The following KCNT1 variants were observed in gnomAD, a reference collection of about 807,000 sequenced individuals.
KCNT1 encodes potassium sodium-activated channel subfamily T member 1.
In KCNT1, 78 loss-of-function variants were observed where a neutral mutation model predicts 147.8. The observed-to-expected ratio is 0.53, with a 90% CI of 0.44 to 0.64. The LOEUF (loss-of-function observed/expected upper bound fraction) is 0.64. Among genes scored for constraint, KCNT1 ranks in the 30% least tolerant of loss-of-function variants. The pLI, the probability that KCNT1 is intolerant of heterozygous loss-of-function variation, is 0.00. For synonymous variants in KCNT1, 867 were observed against 748.8 expected (o/e 1.16, Z -2.58); for missense variants, 1,419 against 1,750.3 (o/e 0.81, Z 3.38).
chr9:135,759,762 C>T lies in KCNT1; in HGVS notation c.938C>T (p.Ser313Phe). The T allele has an allele frequency of 6.2e-7, 1 of 1,613,646 alleles. No homozygotes were observed. The highest frequency in any genetic ancestry group is 8.5e-7 in the Non-Finnish European group (1 of 1,179,880). Residue 313 changes from serine to phenylalanine, a missense_variant, in exon 11 of 31, where the codon TCC becomes TTC. Ser to Phe is a radical substitution (Grantham distance 155). Coordinates refer to ENST00000371757, the MANE Select transcript of KCNT1 (RefSeq NM_020822.3). ...TSFYFCIVTF[S>F]TVGYGDVTPK... ...TTCTACTTCTGCATCGTCACCTTCT[C>T]CACCGTGGGCTACGGTGACGTCACG...
intron 27 of KCNT1, 128 bp from the exon 28 acceptor site, chr9:135,785,181 TG>T: frequency 7.2e-7 from 1 of 1,397,478 alleles, no homozygotes; most frequent in Non-Finnish European, 9.9e-7. Context: ...GCCCCTGTGC[TG>T]CAGTCCACAC....
chr9:135,723,489 G>A (rs1166151087), intron 2 of KCNT1, among the ~76,000 whole-genome samples: 1 of 152,248 alleles, frequency 6.6e-6, no homozygotes, highest in African/African-American at 2.4e-5. Flanking sequence ...CTCCCTGGCA[G>A]GAAGTTCTTG....
At chr9:135,708,277 C>T (rs1257556744) in intron 1 of KCNT1, among the ~76,000 whole-genome samples, 2 of 152,242 alleles carry the variant, frequency 1.3e-5, no homozygotes, top group East Asian at 3.9e-4. Context: ...TACATGTATG[C>T]ATACATGCAC....
rs984579957 is a variant in KCNT1, at chr9:135,794,200, G to C, written c.*2039G>C. 6.6e-6 allele frequency: 1 copy of C among 152,320 alleles called. No homozygotes were observed. The highest frequency in any genetic ancestry group is 1.5e-5 in the Non-Finnish European group (1 of 68,132). The allele number at this position is 152,320 out of a possible 1,614,324, so 9.4% of individuals were successfully genotyped here. On this transcript the variant is annotated 3_prime_UTR_variant, in exon 31 of 31. Transcript: ENST00000371757. Reference sequence around the variant, plus strand: ...CTGCAGGAGGCACCATGGGGGAGTCGCATGACTTATTCGGGATTGACTTGC... The same window carrying C: ...CTGCAGGAGGCACCATGGGGGAGTCCCATGACTTATTCGGGATTGACTTGC...
In KCNT1 at chr9:135,732,024, A is replaced by AGAGGGAGAGAGAGAGAGG. The variant is rs1208253390; in HGVS notation, c.254+17307_254+17308insGGAGAGAGAGAGAGGGAG. On this transcript the variant is annotated intron_variant, in intron 2 of 30. Coordinates refer to ENST00000371757, the MANE Select transcript of KCNT1 (RefSeq NM_020822.3). Reference sequence around the variant, plus strand: ...GAGAGAGAGAGAGAGAGAGAGAGAGAGAGAGAGAGAGAGAGAGGGAGTCTC... The same window carrying AGAGGGAGAGAGAGAGAGG: ...GAGAGAGAGAGAGAGAGAGAGAGAGAGAGGGAGAGAGAGAGAGGGAGAGAGAGAGAGAGAGGGAGTCTC... Among the ~76,000 whole-genome samples the AGAGGGAGAGAGAGAGAGG allele has an allele frequency of 3.1e-5, 2 of 65,084 alleles. 1 individual carries two copies. The highest frequency in any genetic ancestry group is 6.4e-5 in the Non-Finnish European group (2 of 31,474). The allele number at this position is 65,084 out of a possible 152,430, so 42.7% of individuals were successfully genotyped here.
rs370085077 is a variant in KCNT1 at position 135,786,359 on chromosome 9, C to T, written c.3340C>T (p.Arg1114Trp). 5.0e-4 allele frequency: 797 copies of T among 1,582,344 alleles called. No homozygotes were observed. Among genetic ancestry groups the T allele is most frequent in the Admixed American group, 8.8e-4 (48 of 54,746 alleles). The change falls in exon 29 of 31, where the codon CGG becomes TGG. Residue 1114 changes from arginine (R) to tryptophan (W), a missense_variant. This residue lies in a region of KCNT1 where 306 missense variants were observed against 294.2 expected (regional missense o/e 1.04). Coordinates refer to ENST00000371757, the MANE Select transcript of KCNT1 (RefSeq NM_020822.3). ...ACGGCGCAAGAGCCTGCAGTGGGCCCGGAGGCTGAGCCGCAAGGCGCCCAA... is the reference window on the plus strand; with the variant it reads ...ACGGCGCAAGAGCCTGCAGTGGGCCTGGAGGCTGAGCCGCAAGGCGCCCAA... ...LLRRKSLQWA[R>W]RLSRKAPKQA...
chr9:135,768,823 C>T lies in KCNT1; in HGVS notation c.1402-6C>T, dbSNP rs755796820. 70 of 1,608,448 alleles carry T rather than the reference C, an allele frequency of 4.4e-5. No homozygotes were observed. The highest frequency in any genetic ancestry group is 9.3e-5 in the African/African-American group (7 of 74,878). ...GTCTGCACTGACCAACCACCCACCC[C>T]GCCAGGACCACCAGACCATCCTGCG... On this transcript the variant is annotated splice_polypyrimidine_tract_variant and splice_region_variant and intron_variant, in intron 14 of 30. Coordinates refer to ENST00000371757, the MANE Select transcript of KCNT1 (RefSeq NM_020822.3).
intron 13 of KCNT1, 70 bp from the exon 14 acceptor site, chr9:135,768,540 A>T: frequency 7.8e-7 from 1 of 1,280,022 alleles, no homozygotes; most frequent in Non-Finnish European, 1.1e-6. Flanking sequence ...TCCCCACCTC[A>T]CCTCCGCACC....
At chr9:135,718,931 A>G (rs1009792846) in intron 2 of KCNT1, among the ~76,000 whole-genome samples, 4 of 152,232 alleles carry the variant, frequency 2.6e-5, no homozygotes, top group African/African-American at 4.8e-5. Flanking sequence ...GACCCAGCCC[A>G]TCGGTACCGC....
intron 2 of KCNT1, among the ~76,000 whole-genome samples, chr9:135,727,492 T>A (rs1836267333): frequency 6.6e-6 from 1 of 150,578 alleles, no homozygotes; most frequent in South Asian, 2.1e-4. Flanking sequence ...GTTTCCCCAC[T>A]CTCTGCAGGG....
intron 28 of KCNT1, 44 bp downstream of exon 28, chr9:135,785,374 G>C: frequency 6.2e-7 from 1 of 1,611,936 alleles, no homozygotes; most frequent in Non-Finnish European, 8.5e-7. Flanking sequence ...CGGAGCACCA[G>C]AACATCGCAG....
intron 2 of KCNT1, among the ~76,000 whole-genome samples, chr9:135,739,696 C>T (rs1186503697): frequency 1.3e-5 from 2 of 152,156 alleles, no homozygotes; most frequent in African/African-American, 4.8e-5. Context: ...GTCCCGTCAC[C>T]CCTGAGGTGC....
At chr9:135,788,101 G>A (rs1834212283) in intron 29 of KCNT1, 2 of 1,607,684 alleles carry the variant, frequency 1.2e-6, no homozygotes, top group South Asian at 1.1e-5. Flanking sequence ...GTTCTGTAGA[G>A]GACGTAGCAA....
intron 2 of KCNT1, among the ~76,000 whole-genome samples, chr9:135,715,884 T>G (rs1406406388): frequency 6.6e-6 from 1 of 152,210 alleles, no homozygotes; most frequent in Non-Finnish European, 1.5e-5. Context: ...CTGAGCCCAG[T>G]CTTCATCCAC....
chr9:135,765,473 CG>C, intron 12 of KCNT1, 150 bp from the exon 13 acceptor site: 2 of 908,688 alleles, frequency 2.2e-6, no homozygotes, highest in Non-Finnish European at 3.2e-6. Context: ...AGGGGCCCTG[CG>C]GGGGCCCCTC....
At chr9:135,747,183 G>A (rs1209609144) in intron 2 of KCNT1, among the ~76,000 whole-genome samples, 2 of 152,114 alleles carry the variant, frequency 1.3e-5, no homozygotes, top group African/African-American at 4.8e-5. Context: ...AGGCCGTGCT[G>A]AGAGGCCCAG....
At chr9:135,727,631 A>AGGGAGGTGTGGCACCAGGCC (rs1345310380) in intron 2 of KCNT1, among the ~76,000 whole-genome samples, 7 of 152,194 alleles carry the variant, frequency 4.6e-5, no homozygotes, top group African/African-American at 1.7e-4. Context: ...GTGCCTTTGA[A>AGGGAGGTGTGGCACCAGGCC]GGGAGGTGTG....
Position 135,771,126 on chromosome 9 carries a change from G to A in KCNT1, c.2008+31G>A, listed in dbSNP as rs543355361. 5.7e-6 allele frequency: 9 copies of A among 1,577,624 alleles called. No individual in the cohort carries two copies. The African/African-American group carries it at 1.2e-4, about 21-fold the overall frequency. ...CCGGGACAGGCGCGCGGGACTCCCTGGGCCTGCTCCTTTGGCGGGAGACCA... is the reference window on the plus strand; with the variant it reads ...CCGGGACAGGCGCGCGGGACTCCCTAGGCCTGCTCCTTTGGCGGGAGACCA... On this transcript the variant is annotated intron_variant, in intron 18 of 30. Coordinates refer to ENST00000371757, the MANE Select transcript of KCNT1 (RefSeq NM_020822.3).
chr9:135,762,642 C>A (rs2150758), intron 11 of KCNT1, among the ~76,000 whole-genome samples: 1 of 151,536 alleles, frequency 6.6e-6, no homozygotes, highest in South Asian at 2.1e-4. Context: ...CCCAGCTCCT[C>A]GGGAGGCTGA....
Sources: allele counts gnomAD v4.1 joint callset (sites outside exome capture counted in the v4.1 genomes callset), GRCh38; gene constraint gnomAD v4.1.1; regional missense constraint gnomAD v4.1.1; transcripts MANE v1.5; gene names NCBI Gene and HGNC (gene_info 2026-07-23, HGNC 2026-07-21).